Variants in PRKG1 observed in about 807,000 individuals in gnomAD.
PRKG1 encodes the protein cGMP-dependent protein kinase 1.
In PRKG1, 35 loss-of-function variants were observed where a neutral mutation model predicts 88.1. That is an observed-to-expected ratio of 0.40 (90% CI 0.30 to 0.53). PRKG1 has a LOEUF of 0.53. Ranked by LOEUF, PRKG1 falls within the 20% of genes least tolerant of loss-of-function variation. The pLI is 0.59. For missense variants in PRKG1, 540 were observed against 839.8 expected, an observed-to-expected ratio of 0.64 and a Z score of 4.41; for synonymous variants, 303 against 292.5, an observed-to-expected ratio of 1.04 and a Z score of -0.37.
chr10:51,293,758 C>T (rs1304043090), intron 2 of PRKG1, among the ~76,000 whole-genome samples: 1 of 152,034 alleles, frequency 6.6e-6, no homozygotes, highest in Admixed American at 6.6e-5. Context: ...ATTGCTGAAT[C>T]ATAGTTCTGT....
At chr10:51,819,426 G>T (rs1286502752) in intron 4 of PRKG1, among the ~76,000 whole-genome samples, 4 of 152,110 alleles carry the variant, frequency 2.6e-5, no homozygotes, top group African/African-American at 7.2e-5. Flanking sequence ...ACAAGTCTTA[G>T]AGGGGACAAA....
intron 5 of PRKG1, among the ~76,000 whole-genome samples, chr10:51,992,413 G>A (rs1032662958): frequency 6.6e-6 from 1 of 152,036 alleles, no homozygotes; most frequent in Non-Finnish European, 1.5e-5. Flanking sequence ...TTGTAAAAAT[G>A]GAAGAGGGAG....
chr10:52,171,785 A>ATTTTTTTTT lies in PRKG1; in HGVS notation c.1076+9822_1076+9823insTTTTTTTTT, dbSNP rs1358641112. Among the ~76,000 whole-genome samples, 256 of 122,560 alleles carry ATTTTTTTTT rather than the reference A, an allele frequency of 2.1e-3. 10 individuals are homozygous for ATTTTTTTTT. Among genetic ancestry groups the ATTTTTTTTT allele is most frequent in the East Asian group, 0.019 (73 of 3,808 alleles). The allele number at this position is 122,560 out of a possible 152,430, so 80.4% of individuals were successfully genotyped here. A position where few individuals can be genotyped will look rare whatever the true frequency, so the allele number is the denominator to read the frequency against. ...AATAGAAGTATTTTTCTTTTATCAA[A>ATTTTTTTTT]ATTTTTTTTTTTTTTTTTTTTTTTT... On this transcript the variant is annotated intron_variant, in intron 9 of 17. Coordinates refer to ENST00000373980, the MANE Select transcript of PRKG1 (RefSeq NM_006258.4).
At chr10:51,949,008 G>A (rs1843122724) in intron 5 of PRKG1, among the ~76,000 whole-genome samples, 1 of 152,052 alleles carries the variant, frequency 6.6e-6, no homozygotes, top group Non-Finnish European at 1.5e-5. Context: ...AAAGTTTTAT[G>A]TCAACTACAT....
intron 2 of PRKG1, among the ~76,000 whole-genome samples, chr10:51,363,994 G>A (rs1030547440): frequency 6.6e-6 from 1 of 151,878 alleles, no homozygotes; most frequent in African/African-American, 2.4e-5. Context: ...AACCAAAAAA[G>A]GTGCATTTGA....
At chr10:51,259,590 C>T (rs1412245320) in intron 2 of PRKG1, among the ~76,000 whole-genome samples, 9 of 152,214 alleles carry the variant, frequency 5.9e-5, no homozygotes, top group Non-Finnish European at 1.3e-4. Context: ...TCTCCTGCTT[C>T]AGCCTCCTGA....
At chr10:52,036,942 C>T (rs992079718) in intron 5 of PRKG1, among the ~76,000 whole-genome samples, 40 of 152,300 alleles carry the variant, frequency 2.6e-4, no homozygotes, top group African/African-American at 7.5e-4. Context: ...AAGAAGGGGA[C>T]GGGCTTACCT....
At chr10:52,289,207 A>G (rs1842186193) in intron 16 of PRKG1, among the ~76,000 whole-genome samples, 1 of 152,146 alleles carries the variant, frequency 6.6e-6, no homozygotes, top group South Asian at 2.1e-4. Flanking sequence ...AGCTGAACTC[A>G]GTTTCTTACA....
intron 3 of PRKG1, among the ~76,000 whole-genome samples, chr10:51,624,425 A>T (rs759990318): frequency 1.3e-5 from 2 of 152,220 alleles, no homozygotes; most frequent in Non-Finnish European, 2.9e-5. Flanking sequence ...CTCTATAATA[A>T]ACAGAAATCT....
At chr10:51,627,846 C>A (rs940915683) in intron 3 of PRKG1, among the ~76,000 whole-genome samples, 2 of 127,878 alleles carry the variant, frequency 1.6e-5, no homozygotes, top group African/African-American at 5.3e-5. Context: ...CCTTTCCTTT[C>A]CTTTCCTTTC....
chr10:51,956,356 TAATA>T (rs1332504021), intron 5 of PRKG1, among the ~76,000 whole-genome samples: 2 of 151,672 alleles, frequency 1.3e-5, no homozygotes, highest in African/African-American at 2.4e-5. Flanking sequence ...AATTATATAT[TAATA>T]AAGTATACAT....
intron 2 of PRKG1, among the ~76,000 whole-genome samples, chr10:51,168,008 A>G (rs1846595674): frequency 6.6e-6 from 1 of 152,162 alleles, no homozygotes; most frequent in African/African-American, 2.4e-5. Context: ...GCAAATTTGG[A>G]TATTTAACAG....
intron 1 of PRKG1, among the ~76,000 whole-genome samples, chr10:51,152,847 G>A (rs1846107595): frequency 6.6e-6 from 1 of 151,608 alleles, no homozygotes. Context: ...GTATCCATTG[G>A]TTTTCTAGCA....
At chr10:51,907,685 A>G in intron 5 of PRKG1, 115 bp downstream of exon 5, 1 of 833,134 alleles carries the variant, frequency 1.2e-6, no homozygotes, top group Non-Finnish European at 1.9e-6. Context: ...AAAAATTTCT[A>G]AGCTCTGGGA....
intron 3 of PRKG1, among the ~76,000 whole-genome samples, chr10:51,582,706 G>A (rs942729113): frequency 6.6e-6 from 1 of 152,024 alleles, no homozygotes; most frequent in Non-Finnish European, 1.5e-5. Context: ...GTCTATCATT[G>A]ATGGGCATTT....
chr10:51,216,404 A>C (rs2132082299), intron 2 of PRKG1, among the ~76,000 whole-genome samples: 1 of 152,126 alleles, frequency 6.6e-6, no homozygotes, highest in East Asian at 1.9e-4. Context: ...AAGTGTTTGG[A>C]CTCCGGAGCC....
intron 5 of PRKG1, among the ~76,000 whole-genome samples, chr10:51,985,008 T>A (rs934645271): frequency 2.5e-4 from 38 of 152,330 alleles, no homozygotes; most frequent in African/African-American, 9.1e-4. Flanking sequence ...GCAAGCCACC[T>A]AAATTATTTT....
chr10:51,968,211 G>C (rs978674377), intron 5 of PRKG1, among the ~76,000 whole-genome samples: 2 of 152,064 alleles, frequency 1.3e-5, no homozygotes, highest in African/African-American at 4.8e-5. Flanking sequence ...CATTATTCAC[G>C]CTGAAGATGG....
intron 7 of PRKG1, among the ~76,000 whole-genome samples, chr10:52,072,891 A>G (rs1269291903): frequency 6.6e-6 from 1 of 152,158 alleles, no homozygotes; most frequent in African/African-American, 2.4e-5. Context: ...GATGATGACA[A>G]AGTATTTGTA....
Sources: gnomAD v4.1 joint callset for allele counts (sites outside exome capture counted in the v4.1 genomes callset) on GRCh38, gnomAD v4.1.1 for gene constraint, MANE v1.5 for transcripts, NCBI Gene and HGNC (gene_info 2026-07-23, HGNC 2026-07-21) for gene names.